Variants in LMO3 observed in about 807,000 individuals in gnomAD.
The protein encoded by LMO3 is LIM domain only 3, also known as LIM domain only protein 3.
Under a neutral mutation model 15.8 loss-of-function variants are expected in LMO3, and 2 were observed. The observed-to-expected ratio is 0.13, with a 90% CI of 0.05 to 0.40. The LOEUF (loss-of-function observed/expected upper bound fraction) is 0.40. LMO3 is among the 10% of genes least tolerant of loss of function. LMO3 has a pLI of 0.99. For missense variants in LMO3, 86 were observed against 182.2 expected (o/e 0.47, Z 3.04); for synonymous variants, 62 against 63.8 (o/e 0.97, Z 0.13).
intron 3 of LMO3, among the ~76,000 whole-genome samples, chr12:16,558,550 C>A (rs577644241): frequency 6.6e-6 from 1 of 152,046 alleles, no homozygotes; most frequent in African/African-American, 2.4e-5. Flanking sequence ...ATATCCTTAT[C>A]CCTACCAAAA....
In LMO3 at chr12:16,603,173, ATTT is replaced by A. The variant is rs1943882597; in HGVS notation, c.-8-2308_-8-2306del. Among the ~76,000 whole-genome samples, 1 of 152,208 alleles carries A rather than the reference ATTT, an allele frequency of 6.6e-6. No individual in the cohort carries two copies. The highest frequency in any genetic ancestry group is 2.4e-5 in the African/African-American group (1 of 41,456). The stretch of plus-strand genomic sequence containing the variant: ...CACAAAATGTTTTTGTTGTGTTGAC[ATTT>A]TAATTTAGCACTCAGAGGCCAATTA... On this transcript the variant is annotated intron_variant, in intron 1 of 3. Transcript: ENST00000537304. This position sits in a 1 kb window ranked among gnomAD's most constrained non-coding sequence, Gnocchi z 4.9.
rs1224027991 is a variant in LMO3 at position 16,555,844 on chromosome 12, C to T, written c.333-4517G>A. 3.3e-5 allele frequency among the ~76,000 whole-genome samples: 5 copies of T among 152,262 alleles called. No individual in the cohort carries two copies. Among genetic ancestry groups the T allele is most frequent in the South Asian group, 2.1e-4 (1 of 4,814 alleles). ...CTGGCTCCCTCATCTTCCCCAACCCCGAGCAGACACACTTCCTGTAAGTCA... is the reference window on the plus strand; with the variant it reads ...CTGGCTCCCTCATCTTCCCCAACCCTGAGCAGACACACTTCCTGTAAGTCA... On this transcript the variant is annotated intron_variant, in intron 3 of 3. Coordinates refer to ENST00000537304, the MANE Select transcript of LMO3 (RefSeq NM_018640.5). This position sits in a 1 kb window ranked among gnomAD's most constrained non-coding sequence, Gnocchi z 5.5.
At chr12:16,565,961 T>A (rs1387445126) in intron 2 of LMO3, among the ~76,000 whole-genome samples, 1 of 124,354 alleles carries the variant, frequency 8.0e-6, no homozygotes, top group African/African-American at 3.1e-5. Flanking sequence ...CATCAATGGA[T>A]GAATGGATGA....
intron 2 of LMO3, among the ~76,000 whole-genome samples, chr12:16,564,867 C>A (rs1403646056): frequency 1.3e-5 from 2 of 152,112 alleles, no homozygotes; most frequent in African/African-American, 4.8e-5. Flanking sequence ...GTCACTGCAG[C>A]CTTGACCTCC....
At chr12:16,567,601 T>C (rs1419104332) in intron 2 of LMO3, 1 of 152,218 alleles carries the variant, frequency 6.6e-6, no homozygotes, top group South Asian at 2.1e-4. Context: ...GAAGCCTCTA[T>C]GTGGTCAAGA....
chr12:16,604,936 C>A lies in LMO3; in HGVS notation c.-9+1130G>T. ...AGTTGCAGCAGCTTCGCATTGAGCACCAAACCCAAAGGTAGAAGTAGAAGG... is the reference window on the plus strand; with the variant it reads ...AGTTGCAGCAGCTTCGCATTGAGCAACAAACCCAAAGGTAGAAGTAGAAGG... On this transcript the variant is annotated intron_variant, in intron 1 of 3. Coordinates refer to ENST00000537304, the MANE Select transcript of LMO3 (RefSeq NM_018640.5). This position sits in a 1 kb window ranked among gnomAD's most constrained non-coding sequence, Gnocchi z 5.3. 1 of 1,598,366 alleles carries A rather than the reference C, an allele frequency of 6.3e-7. No homozygotes were observed. Among genetic ancestry groups the A allele is most frequent in the Non-Finnish European group, 8.5e-7 (1 of 1,179,784 alleles).
chr12:16,567,740 C>G (rs1942666829), intron 2 of LMO3, among the ~76,000 whole-genome samples: 1 of 151,990 alleles, frequency 6.6e-6, no homozygotes, highest in South Asian at 2.1e-4. Flanking sequence ...ATGATAGAAG[C>G]TTCATGTTTG....
Position 16,587,147 on chromosome 12 carries a change from A to G in LMO3, c.206+13508T>C, listed in dbSNP as rs1254306173. On this transcript the variant is annotated intron_variant, in intron 2 of 3. Coordinates refer to ENST00000537304, the MANE Select transcript of LMO3 (RefSeq NM_018640.5). This position sits in a 1 kb window ranked among gnomAD's most constrained non-coding sequence, Gnocchi z 4.3. ...ATGGCTTACATTTTAAATTATAGCA[A>G]TTGTGGGTGCTGCTGACCTGTCAAT... is the stretch of plus-strand genomic sequence containing the variant. Among the ~76,000 whole-genome samples the G allele has an allele frequency of 6.6e-6, 1 of 152,192 alleles. No individual in the cohort carries two copies. The highest frequency in any genetic ancestry group is 1.9e-4 in the East Asian group (1 of 5,192).
Position 16,600,724 on chromosome 12 carries a change from C to A in LMO3, c.137G>T (p.Arg46Leu). The A allele has an allele frequency of 6.2e-7, 1 of 1,614,134 alleles. No homozygotes were observed. Residue 46 changes from arginine to leucine, a missense_variant, in exon 2 of 4, where the codon CGC (arginine) becomes CTC (leucine). Arg to Leu is a moderately radical substitution (Grantham distance 102, BLOSUM62 -2). Around this residue, in one of 3 missense-constraint regions of LMO3, gnomAD observed 51 missense variants for 140.3 expected, o/e 0.36. Transcript: ENST00000537304. ...DCLKCACCDC[R>L]LGEVGSTLYT... is the part of the protein sequence containing the mutation. ...CAGGGTGGAGCCCACCTCTCCCAAG[C>A]GACAGTCACAGCAGGCACACTTCAG...
chr12:16,578,661 T>C (rs1343099209), intron 2 of LMO3, among the ~76,000 whole-genome samples: 1 of 151,944 alleles, frequency 6.6e-6, no homozygotes, highest in Non-Finnish European at 1.5e-5. Context: ...CTACTAAAAA[T>C]ACAAAAATTA....
rs1242104348 is a variant in LMO3, at chr12:16,566,021, TATATATATATATATATATAA to T, written c.207-5503_207-5484del. ...ATATATATATATATATATATATATA[TATATATATATATATATATAA>T]AATGGAGTACTATTCAGCCATAAAA... is the stretch of plus-strand genomic sequence containing the variant. On this transcript the variant is annotated intron_variant, in intron 2 of 3. Coordinates refer to ENST00000537304, the MANE Select transcript of LMO3 (RefSeq NM_018640.5). Among the ~76,000 whole-genome samples, 8 of 79,134 alleles carry T rather than the reference TATATATATATATATATATAA, an allele frequency of 1.0e-4. No homozygotes were observed. In the East Asian group the frequency reaches 2.2e-3, roughly 22 times the overall value. The allele number at this position is 79,134 out of a possible 152,430, so 51.9% of individuals were successfully genotyped here.
At chr12:16,551,593 C>CT (rs1292960664) in intron 3 of LMO3, among the ~76,000 whole-genome samples, 1,712 of 135,980 alleles carry the variant, frequency 0.013, 33 homozygotes, top group African/African-American at 0.041. Context: ...AGATGACTTG[C>CT]TTTTTTTTTT....
rs553273151 is a variant in LMO3 at position 16,552,680 on chromosome 12, C to G, written c.333-1353G>C. On this transcript the variant is annotated intron_variant, in intron 3 of 3. Coordinates refer to ENST00000537304, the MANE Select transcript of LMO3 (RefSeq NM_018640.5). Reference sequence around the variant, plus strand: ...AATTTACTTTTTTTCCCCAGGATTACTGCCTGCTGATGATGTTGATTGAAA... The same window carrying G: ...AATTTACTTTTTTTCCCCAGGATTAGTGCCTGCTGATGATGTTGATTGAAA... 5.9e-5 allele frequency among the ~76,000 whole-genome samples: 9 copies of G among 152,200 alleles called. No homozygotes were observed. The South Asian group carries it at 1.9e-3, about 32-fold the overall frequency.
chr12:16,589,167 G>T lies in LMO3; in HGVS notation c.206+11488C>A, dbSNP rs1362251743. Among the ~76,000 whole-genome samples the T allele has an allele frequency of 2.0e-5, 3 of 152,052 alleles. No homozygotes were observed. Among genetic ancestry groups the T allele is most frequent in the African/African-American group, 7.2e-5 (3 of 41,416 alleles). On this transcript the variant is annotated intron_variant, in intron 2 of 3. Transcript: ENST00000537304. This position sits in a 1 kb window ranked among gnomAD's most constrained non-coding sequence, Gnocchi z 4.2. ...CCTCACCCAGTTTGGAAGATTTTAGGGAAGTGACAAGAACTCATGTAACTT... is the reference window on the plus strand; with the variant it reads ...CCTCACCCAGTTTGGAAGATTTTAGTGAAGTGACAAGAACTCATGTAACTT...
At chr12:16,605,689 C>A (rs898876378) in intron 1 of LMO3, 5 of 1,342,674 alleles carry the variant, frequency 3.7e-6, no homozygotes, top group Middle Eastern at 3.9e-4. Context: ...CTCTCCCTGC[C>A]CCTCTCTCCC....
chr12:16,556,463 T>C (rs192302854), intron 3 of LMO3, among the ~76,000 whole-genome samples: 1 of 152,348 alleles, frequency 6.6e-6, no homozygotes, highest in Non-Finnish European at 1.5e-5. Flanking sequence ...TTACTGCTAC[T>C]TTTTAAAACA....
chr12:16,603,704 G>A lies in LMO3; in HGVS notation c.-9+2362C>T, dbSNP rs965178745. On this transcript the variant is annotated intron_variant, in intron 1 of 3. Transcript: ENST00000537304. This position sits in a 1 kb window ranked among gnomAD's most constrained non-coding sequence, Gnocchi z 4.9. ...AACTCTGGTGAGCTTTTAATTGCCT[G>A]GATTGCATTGTGAAGCGGCCTAACG... 6.6e-6 allele frequency among the ~76,000 whole-genome samples: 1 copy of A among 152,288 alleles called. No individual in the cohort carries two copies. The highest frequency in any genetic ancestry group is 2.1e-4 in the South Asian group (1 of 4,826).
intron 2 of LMO3, among the ~76,000 whole-genome samples, chr12:16,574,941 CT>C (rs1363691397): frequency 6.6e-6 from 1 of 152,130 alleles, no homozygotes; most frequent in Non-Finnish European, 1.5e-5. Context: ...TAGAAGGGTG[CT>C]CCCTACATAA....
intron 2 of LMO3, among the ~76,000 whole-genome samples, chr12:16,579,930 T>C (rs1159755190): frequency 6.6e-6 from 1 of 152,226 alleles, no homozygotes; most frequent in African/African-American, 2.4e-5. Context: ...ACCAGGTATC[T>C]GTTGGTATTT....
Sources: gnomAD v4.1 joint callset for allele counts (sites outside exome capture counted in the v4.1 genomes callset) on GRCh38, gnomAD v4.1.1 for gene constraint, gnomAD v4.1.1 regional missense constraint, Gnocchi (gnomAD v3.1) non-coding constraint, MANE v1.5 for transcripts, NCBI Gene and HGNC (gene_info 2026-07-23, HGNC 2026-07-21) for gene names.